Variants in KCNIP1 observed in about 807,000 individuals in gnomAD.
KCNIP1 encodes the protein A-type potassium channel modulatory protein KCNIP1.
In KCNIP1, 18 loss-of-function variants were observed where a neutral mutation model predicts 33.0. The observed-to-expected ratio is 0.55, with a 90% CI of 0.38 to 0.81. The LOEUF (loss-of-function observed/expected upper bound fraction) is 0.81. KCNIP1 is among the 30% of genes least tolerant of loss of function. KCNIP1 has a pLI of 0.00. For missense variants in KCNIP1, 238 were observed against 271.6 expected (o/e 0.88, Z 0.87); for synonymous variants, 93 against 98.3 (o/e 0.95, Z 0.32).
intron 1 of KCNIP1, among the ~76,000 whole-genome samples, chr5:170,707,785 AG>A (rs1418916141): frequency 1.3e-5 from 2 of 152,000 alleles, no homozygotes; most frequent in South Asian, 4.2e-4. Flanking sequence ...AAACACTCAA[AG>A]GTTTTTTTTT....
intron 1 of KCNIP1, among the ~76,000 whole-genome samples, chr5:170,630,812 A>T (rs1760026920): frequency 1.3e-5 from 2 of 152,218 alleles, no homozygotes; most frequent in Admixed American, 1.3e-4. Flanking sequence ...TTGAAGGTCT[A>T]ATTCCAGAGT....
chr5:170,537,508 A>T lies in KCNIP1; in HGVS notation c.61+32875A>T, dbSNP rs967626336. Among the ~76,000 whole-genome samples, 4 of 151,650 alleles carry T rather than the reference A, an allele frequency of 2.6e-5. No individual in the cohort carries two copies. The East Asian group carries it at 7.8e-4, about 30-fold the overall frequency. ...CTCACCCCCTTTGTTCCTTGTACAA[A>T]CCCTTGCCCTGGATGTTCTGTTTGT... On this transcript the variant is annotated intron_variant, in intron 1 of 7. Transcript: ENST00000328939.
At chr5:170,607,679 G>C (rs1758979895) in intron 1 of KCNIP1, among the ~76,000 whole-genome samples, 1 of 152,204 alleles carries the variant, frequency 6.6e-6, no homozygotes, top group Non-Finnish European at 1.5e-5. Context: ...GTTTCAAGGA[G>C]GGCCCTTTGG....
Position 170,476,106 on chromosome 5 carries a change from G to C in KCNIP1, c.88+122142G>C, listed in dbSNP as rs1213316195. Among the ~76,000 whole-genome samples the C allele has an allele frequency of 2.6e-5, 4 of 152,060 alleles. No individual in the cohort carries two copies. The South Asian group carries it at 8.3e-4, about 32-fold the overall frequency. ...CCACCTCAGCCTCCTGACTAGCTGTGACTACAGGCCTGTGCCACCATGCCT... is the reference window on the plus strand; with the variant it reads ...CCACCTCAGCCTCCTGACTAGCTGTCACTACAGGCCTGTGCCACCATGCCT... On this transcript the variant is annotated intron_variant, in intron 1 of 7. Coordinates refer to the KCNIP1 transcript ENST00000377360.
At chr5:170,692,901 A>G (rs1301801691) in intron 1 of KCNIP1, among the ~76,000 whole-genome samples, 1 of 152,244 alleles carries the variant, frequency 6.6e-6, no homozygotes, top group East Asian at 1.9e-4. Flanking sequence ...CCCAAAACTC[A>G]TAAACTTAAT....
rs146441091 is a variant in KCNIP1 at position 170,399,182 on chromosome 5, G to A, written c.88+45218G>A. ...ATCTTTTACCCTAAGCCTGCTAACC[G>A]ATGTTATCTTTAAGTAAAATTGGCT... On this transcript the variant is annotated intron_variant, in intron 1 of 7. Transcript: ENST00000377360. 5.5e-3 allele frequency among the ~76,000 whole-genome samples: 837 copies of A among 152,294 alleles called. 3 individuals are homozygous for A. The highest frequency in any genetic ancestry group is 9.6e-3 in the Non-Finnish European group (656 of 68,022).
Position 170,504,071 on chromosome 5 carries a change from T to A in KCNIP1, c.-502T>A. 2 of 984,974 alleles carry A rather than the reference T, an allele frequency of 2.0e-6. No homozygotes were observed. The highest frequency in any genetic ancestry group is 2.4e-6 in the Non-Finnish European group (2 of 829,932). The allele number at this position is 984,974 out of a possible 1,614,324, so 61.0% of individuals were successfully genotyped here. ...GGCAGCAGGCAGCAGGCGGGCGCGC[T>A]GTGGCTCCGCGCCGCGCGGTCCGGG... On this transcript the variant is annotated 5_prime_UTR_variant, in exon 1 of 8. Coordinates refer to ENST00000328939, the MANE Select transcript of KCNIP1 (RefSeq NM_014592.4). This position sits in a 1 kb window ranked among gnomAD's most constrained non-coding sequence, Gnocchi z 6.0.
In KCNIP1 at chr5:170,568,648, T is replaced by TAAAAAAAAAAAAAAAAAAAAAAAAAA. The variant is rs33992187; in HGVS notation, c.61+64040_61+64041insAAAAAAAAAAAAAAAAAAAAAAAAAA. ...CGAACATGGTGAAACCCGTTTCTAC[T>TAAAAAAAAAAAAAAAAAAAAAAAAAA]AAAAAAAAAAAAAAAAAAAAAAAAA... On this transcript the variant is annotated intron_variant, in intron 1 of 7. Transcript: ENST00000328939. Among the ~76,000 whole-genome samples, 6 of 43,726 alleles carry TAAAAAAAAAAAAAAAAAAAAAAAAAA rather than the reference T, an allele frequency of 1.4e-4. 1 individual carries two copies. The highest frequency in any genetic ancestry group is 3.2e-4 in the African/African-American group (5 of 15,734). The allele number at this position is 43,726 out of a possible 152,430, so 28.7% of individuals were successfully genotyped here.
chr5:170,407,546 AT>A (rs558223070), intron 1 of KCNIP1, among the ~76,000 whole-genome samples: 41 of 152,342 alleles, frequency 2.7e-4, no homozygotes, highest in African/African-American at 9.9e-4. Context: ...ACTGTTGAAT[AT>A]TTTTTAAAGA....
Position 170,426,246 on chromosome 5 carries a change from A to ATC in KCNIP1, c.88+72283_88+72284dup, listed in dbSNP as rs1281617403. On this transcript the variant is annotated intron_variant, in intron 1 of 7. Coordinates refer to the KCNIP1 transcript ENST00000377360. ...GCTAATGCTTTGTGACTCAAAAGGA[A>ATC]TCACACACACACACACACACACACA... 7.6e-5 allele frequency among the ~76,000 whole-genome samples: 4 copies of ATC among 52,396 alleles called. No homozygotes were observed. In the South Asian group the frequency reaches 2.0e-3, roughly 26 times the overall value. 34.4% of individuals were successfully genotyped at this position (52,396 alleles called of 152,430 possible).
intron 1 of KCNIP1, among the ~76,000 whole-genome samples, chr5:170,598,904 CGT>C (rs70979192): frequency 0.027 from 3,575 of 133,720 alleles, 43 homozygotes; most frequent in South Asian, 0.036. Flanking sequence ...TGTGTGTGCG[CGT>C]GTGTGTGTGT....
intron 1 of KCNIP1, among the ~76,000 whole-genome samples, chr5:170,414,610 T>C (rs1755279500): frequency 6.6e-6 from 1 of 152,232 alleles, no homozygotes; most frequent in South Asian, 2.1e-4. Flanking sequence ...CAATTCAAAA[T>C]CATTCATTGC....
chr5:170,383,703 C>T (rs771779905), intron 1 of KCNIP1: 3 of 1,614,176 alleles, frequency 1.9e-6, no homozygotes, highest in South Asian at 1.1e-5. Flanking sequence ...CCCGAGTGTC[C>T]TCCGTGTGGT....
At chr5:170,395,031 C>T (rs1021951251) in intron 1 of KCNIP1, among the ~76,000 whole-genome samples, 1 of 152,198 alleles carries the variant, frequency 6.6e-6, no homozygotes, top group African/African-American at 2.4e-5. Context: ...CACACCTTTG[C>T]TATTGTGAAT....
rs79421036 is a variant in KCNIP1, at chr5:170,719,249, C to T, written c.186+367C>T. On this transcript the variant is annotated intron_variant, in intron 2 of 7. Coordinates refer to ENST00000328939, the MANE Select transcript of KCNIP1 (RefSeq NM_014592.4). Reference sequence around the variant, plus strand: ...GCTGACTTATGCTAACCAGGCTCACCGAGACTGATGTGTAAGCCGAATGTC... The same window carrying T: ...GCTGACTTATGCTAACCAGGCTCACTGAGACTGATGTGTAAGCCGAATGTC... 2.7e-3 allele frequency among the ~76,000 whole-genome samples: 407 copies of T among 152,094 alleles called. 2 individuals are homozygous for T. Among genetic ancestry groups the T allele is most frequent in the African/African-American group, 8.8e-3 (365 of 41,492 alleles).
intron 1 of KCNIP1, among the ~76,000 whole-genome samples, chr5:170,584,271 G>A (rs1757905356): frequency 6.6e-6 from 1 of 152,188 alleles, no homozygotes; most frequent in Non-Finnish European, 1.5e-5. Context: ...TAGAAATTCT[G>A]ATTGTTGTTT....
chr5:170,441,015 C>T (rs1178656033), intron 1 of KCNIP1, among the ~76,000 whole-genome samples: 1 of 152,192 alleles, frequency 6.6e-6, no homozygotes, highest in Non-Finnish European at 1.5e-5. Flanking sequence ...CCTCGGTCTG[C>T]CGTCGCCCTT....
intron 1 of KCNIP1, among the ~76,000 whole-genome samples, chr5:170,545,436 G>A (rs758249831): frequency 2.2e-4 from 33 of 152,098 alleles, no homozygotes; most frequent in Admixed American, 9.8e-4. Context: ...GGAAACTCTT[G>A]ATCATTGTCT....
At chr5:170,567,135 G>C (rs1757232612) in intron 1 of KCNIP1, among the ~76,000 whole-genome samples, 1 of 152,230 alleles carries the variant, frequency 6.6e-6, no homozygotes, top group Non-Finnish European at 1.5e-5. Flanking sequence ...TTGGCATACA[G>C]TGGTTTTCCC....
Sources: gnomAD v4.1 joint callset for allele counts (sites outside exome capture counted in the v4.1 genomes callset) on GRCh38, gnomAD v4.1.1 for gene constraint, Gnocchi (gnomAD v3.1) non-coding constraint, MANE v1.5 for transcripts, NCBI Gene and HGNC (gene_info 2026-07-23, HGNC 2026-07-21) for gene names.